Variants in RIMS1 observed in about 807,000 individuals in gnomAD.
RIMS1 encodes the protein regulating synaptic membrane exocytosis protein 1.
In RIMS1, 83 loss-of-function variants were observed where a neutral mutation model predicts 214.1. The observed-to-expected ratio is 0.39, with a 90% CI of 0.32 to 0.47. The LOEUF (loss-of-function observed/expected upper bound fraction) is 0.47, where lower values mean the gene tolerates loss of function less well. RIMS1 is among the 20% of genes least tolerant of loss of function. RIMS1 has a pLI of 0.99. For missense variants in RIMS1, 2,050 were observed against 2,161.8 expected, an observed-to-expected ratio of 0.95 and a Z score of 1.03; for synonymous variants, 793 against 786.8, an observed-to-expected ratio of 1.01 and a Z score of -0.13.
chr6:72,050,945 G>A (rs1213406851), intron 2 of RIMS1, among the ~76,000 whole-genome samples: 3 of 152,090 alleles, frequency 2.0e-5, no homozygotes, highest in African/African-American at 7.2e-5. Context: ...AATGACATCA[G>A]ATATACCTTT....
intron 30 of RIMS1, 73 bp from the exon 31 acceptor site, chr6:72,392,625 G>A (rs2098718632): frequency 3.0e-6 from 3 of 1,004,402 alleles, no homozygotes; most frequent in Admixed American, 1.7e-5. Flanking sequence ...AATTAGTCAA[G>A]TGGAAACTAG....
At chr6:72,152,889 T>C (rs1444276509) in intron 4 of RIMS1, among the ~76,000 whole-genome samples, 1 of 132,514 alleles carries the variant, frequency 7.5e-6, no homozygotes, top group African/African-American at 2.8e-5. Flanking sequence ...TATATGTATA[T>C]ATATGTATAT....
In RIMS1 at chr6:72,182,459, A is replaced by T; in HGVS notation, c.988A>T (p.Thr330Ser). ...EKGRSQDYPDTPEKRDEGKAA... is the reference protein window; with the variant it reads ...EKGRSQDYPDSPEKRDEGKAA... ...AGGGCGATCACAGGATTACCCAGAC[A>T]CGCCGGAAAAACGGGATGAGGGCAA... Residue 330 changes from threonine to serine, a missense_variant, in exon 6 of 34, where the codon ACG (threonine) becomes TCG (serine). This residue lies in a region of RIMS1 where 882 missense variants were observed against 828.9 expected (regional missense o/e 1.06). Transcript: ENST00000521978. The T allele has an allele frequency of 6.2e-7, 1 of 1,613,728 alleles. No homozygotes were observed. The highest frequency in any genetic ancestry group is 8.5e-7 in the Non-Finnish European group (1 of 1,179,754).
intron 23 of RIMS1, among the ~76,000 whole-genome samples, chr6:72,275,137 T>C (rs2085580984): frequency 4.0e-4 from 1 of 2,472 alleles, no homozygotes; most frequent in African/African-American, 2.1e-3. Context: ...TATATATATA[T>C]ATATATATAT....
intron 26 of RIMS1, among the ~76,000 whole-genome samples, chr6:72,297,967 C>T (rs1010097432): frequency 6.6e-6 from 1 of 151,896 alleles, no homozygotes; most frequent in African/African-American, 2.4e-5. Flanking sequence ...GAGTACATCC[C>T]GGATAAATGA....
At chr6:71,889,111 A>T (rs1768768783) in intron 1 of RIMS1, among the ~76,000 whole-genome samples, 1 of 152,098 alleles carries the variant, frequency 6.6e-6, no homozygotes, top group South Asian at 2.1e-4. Flanking sequence ...AGGTGGATGG[A>T]GGCCTCCAGT....
At chr6:72,282,868 G>A (rs2090822578) in intron 23 of RIMS1, among the ~76,000 whole-genome samples, 1 of 152,076 alleles carries the variant, frequency 6.6e-6, no homozygotes, top group African/African-American at 2.4e-5. Flanking sequence ...TGGTATGTCA[G>A]ATTAACATGA....
chr6:71,909,184 A>T (rs1230292648), intron 1 of RIMS1, among the ~76,000 whole-genome samples: 1 of 151,974 alleles, frequency 6.6e-6, no homozygotes, highest in South Asian at 2.1e-4. Flanking sequence ...TTTAGTAGAG[A>T]CGGGGTTTCA....
chr6:72,252,857 T>G (rs1184946048), intron 16 of RIMS1, 25 bp downstream of exon 16: 1 of 1,514,750 alleles, frequency 6.6e-7, no homozygotes, highest in African/African-American at 1.4e-5. Context: ...AGCATGACCC[T>G]GCTTCACTGT....
intron 1 of RIMS1, among the ~76,000 whole-genome samples, chr6:71,936,193 A>G (rs551205464): frequency 0.01 from 1,584 of 151,466 alleles, 16 homozygotes; most frequent in Middle Eastern, 0.037. Flanking sequence ...CGGGCGTGGT[A>G]GCGGGCGCCT....
chr6:72,308,588 TA>T (rs2095351748), intron 27 of RIMS1, among the ~76,000 whole-genome samples: 1 of 152,034 alleles, frequency 6.6e-6, no homozygotes, highest in South Asian at 2.1e-4. Context: ...AAAAATAAAA[TA>T]AAAAGAGGTG....
intron 6 of RIMS1, among the ~76,000 whole-genome samples, chr6:72,214,914 G>T (rs1243334612): frequency 6.6e-6 from 1 of 151,958 alleles, no homozygotes; most frequent in East Asian, 1.9e-4. Context: ...GTAGAGATGG[G>T]GTTTCACCAT....
intron 1 of RIMS1, among the ~76,000 whole-genome samples, chr6:71,898,961 ATAC>A (rs1772746516): frequency 6.6e-6 from 1 of 152,054 alleles, no homozygotes; most frequent in Non-Finnish European, 1.5e-5. Context: ...TCTCTTTGAG[ATAC>A]TATTTGTTAT....
chr6:71,906,425 A>G (rs1775271626), intron 1 of RIMS1, among the ~76,000 whole-genome samples: 1 of 152,190 alleles, frequency 6.6e-6, no homozygotes. Context: ...AGTTGGTGTG[A>G]CAGTTATGGA....
chr6:72,053,340 G>T (rs993282221), intron 2 of RIMS1, among the ~76,000 whole-genome samples: 7 of 152,104 alleles, frequency 4.6e-5, no homozygotes, highest in Admixed American at 4.6e-4. Flanking sequence ...ATTTCTTTCT[G>T]TGTTTCTCAA....
intron 4 of RIMS1, chr6:72,126,775 A>AG (rs1319902267): frequency 4.1e-6 from 1 of 246,664 alleles, no homozygotes; most frequent in Non-Finnish European, 8.0e-6. Context: ...AAAAAAAAAA[A>AG]AAAAAAAAGA....
At chr6:72,151,092 G>C (rs990960440) in intron 4 of RIMS1, among the ~76,000 whole-genome samples, 1 of 151,432 alleles carries the variant, frequency 6.6e-6, no homozygotes, top group Non-Finnish European at 1.5e-5. Flanking sequence ...ACCCAGGCTG[G>C]AGTGCAGTGG....
At chr6:71,987,515 A>G (rs1800377066) in intron 2 of RIMS1, among the ~76,000 whole-genome samples, 1 of 152,274 alleles carries the variant, frequency 6.6e-6, no homozygotes, top group African/African-American at 2.4e-5. Flanking sequence ...TCCCAATACC[A>G]TCCCATTGGG....
chr6:72,322,567 C>CTGAACAAGAACAAATAA (rs1180722145), intron 28 of RIMS1, among the ~76,000 whole-genome samples: 2 of 151,936 alleles, frequency 1.3e-5, no homozygotes, highest in Non-Finnish European at 2.9e-5. Flanking sequence ...ACTATAAAAG[C>CTGAACAAGAACAAATAA]TGAACAAGAA....
Sources: gnomAD v4.1 joint callset for allele counts (sites outside exome capture counted in the v4.1 genomes callset) on GRCh38, gnomAD v4.1.1 for gene constraint, gnomAD v4.1.1 regional missense constraint, MANE v1.5 for transcripts, NCBI Gene and HGNC (gene_info 2026-07-23, HGNC 2026-07-21) for gene names.